RAPGEF5: variants seen among roughly 807,000 people sequenced by gnomAD.
RAPGEF5 encodes the protein M-Ras-regulated GEF.
RAPGEF5 carries 65 observed loss-of-function variants against 125.2 expected under a neutral mutation model. That is an observed-to-expected ratio of 0.52 (90% CI 0.43 to 0.64). The LOEUF is 0.64. RAPGEF5 is among the 30% of genes least tolerant of loss of function. The pLI is 0.00. For missense variants in RAPGEF5, 958 were observed against 1,048.1 expected, an observed-to-expected ratio of 0.91 and a Z score of 1.19; for synonymous variants, 391 against 385.9, an observed-to-expected ratio of 1.01 and a Z score of -0.16.
chr7:22,166,984 T>C (rs956137344), intron 12 of RAPGEF5, 86 bp downstream of exon 12: 2 of 1,085,014 alleles, frequency 1.8e-6, no homozygotes, highest in African/African-American at 3.1e-5. Context: ...TGGGGTTGAA[T>C]AAATTAAGGA....
rs972665838 is a variant in RAPGEF5 at position 22,356,786 on chromosome 7, G to A, written c.231+44C>T. The A allele has an allele frequency of 4.4e-4, 476 of 1,083,256 alleles. 2 individuals are homozygous for A. In the African/African-American group the frequency reaches 7.5e-3, roughly 17 times the overall value. 67.1% of individuals were successfully genotyped at this position (1,083,256 alleles called of 1,614,324 possible). A position where few individuals can be genotyped will look rare whatever the true frequency, so the allele number is the denominator to read the frequency against. On this transcript the variant is annotated intron_variant, in intron 1 of 25. Transcript: ENST00000665637. The stretch of plus-strand genomic sequence containing the variant: ...CCCGGGGGGTGGGCGCGGGCTCCAC[G>A]TGCGCGCCGCCCGTGCCCACTCGGA...
At chr7:22,162,954 G>A in intron 12 of RAPGEF5, 1 of 457,862 alleles carries the variant, frequency 2.2e-6, no homozygotes, top group Non-Finnish European at 4.4e-6. Flanking sequence ...CTAGTCCTCA[G>A]AAATTCACAT....
intron 9 of RAPGEF5, among the ~76,000 whole-genome samples, chr7:22,217,176 T>A (rs1785657876): frequency 6.6e-6 from 1 of 152,230 alleles, no homozygotes; most frequent in South Asian, 2.1e-4. Context: ...GTGGATGAAG[T>A]CGATGAAGCA....
At chr7:22,259,551 A>C (rs1250199527) in intron 7 of RAPGEF5, among the ~76,000 whole-genome samples, 1 of 152,260 alleles carries the variant, frequency 6.6e-6, no homozygotes, top group Non-Finnish European at 1.5e-5. Context: ...AAAAATCTGC[A>C]TATCCAAAGC....
intron 12 of RAPGEF5, among the ~76,000 whole-genome samples, chr7:22,166,669 T>C (rs541258246): frequency 1.1e-4 from 16 of 152,340 alleles, no homozygotes; most frequent in African/African-American, 3.8e-4. Flanking sequence ...ATCACATATG[T>C]GCATTTTCCT....
At chr7:22,139,576 C>T (rs1380135261) in intron 21 of RAPGEF5, among the ~76,000 whole-genome samples, 6 of 152,248 alleles carry the variant, frequency 3.9e-5, no homozygotes, top group East Asian at 1.9e-4. Flanking sequence ...AACTTTAGAA[C>T]GTTTTGTGGA....
At chr7:22,163,364 C>T (rs959463000) in intron 12 of RAPGEF5, among the ~76,000 whole-genome samples, 2 of 152,038 alleles carry the variant, frequency 1.3e-5, no homozygotes, top group South Asian at 4.1e-4. Context: ...AATGATGGCC[C>T]AGCAGTACAT....
chr7:22,257,965 G>GA (rs1223082397), intron 7 of RAPGEF5, among the ~76,000 whole-genome samples: 1 of 151,994 alleles, frequency 6.6e-6, no homozygotes, highest in Non-Finnish European at 1.5e-5. Flanking sequence ...TATAATATGG[G>GA]AAAAAAGGAA....
intron 9 of RAPGEF5, among the ~76,000 whole-genome samples, chr7:22,213,708 G>A (rs1158283247): frequency 6.6e-6 from 1 of 152,120 alleles, no homozygotes; most frequent in Non-Finnish European, 1.5e-5. Flanking sequence ...TTATAATTGG[G>A]CAACTTAATG....
At chr7:22,329,390 T>C (rs1011412522) in intron 1 of RAPGEF5, among the ~76,000 whole-genome samples, 6 of 152,116 alleles carry the variant, frequency 3.9e-5, no homozygotes, top group African/African-American at 1.4e-4. Context: ...CAACAAAATA[T>C]ATATGAATTA....
intron 1 of RAPGEF5, among the ~76,000 whole-genome samples, chr7:22,355,597 C>A (rs760037408): frequency 6.6e-6 from 1 of 152,168 alleles, no homozygotes; most frequent in African/African-American, 2.4e-5. Flanking sequence ...CTCTGGGTCA[C>A]CGACTTTAAG....
intron 11 of RAPGEF5, among the ~76,000 whole-genome samples, chr7:22,181,628 GGTT>G (rs941102299): frequency 6.6e-6 from 1 of 152,094 alleles, no homozygotes; most frequent in Non-Finnish European, 1.5e-5. Context: ...CTGGGATTTT[GGTT>G]GTTGTTGTTT....
At chr7:22,175,304 G>A (rs908425865) in intron 11 of RAPGEF5, among the ~76,000 whole-genome samples, 3 of 152,040 alleles carry the variant, frequency 2.0e-5, no homozygotes, top group African/African-American at 7.2e-5. Flanking sequence ...GTGAATGGTG[G>A]GGGCATACTC....
rs753990741 is a variant in RAPGEF5 at position 22,128,808 on chromosome 7, T to A, written c.2481+2229A>T. Among the ~76,000 whole-genome samples, 5 of 152,344 alleles carry A rather than the reference T, an allele frequency of 3.3e-5. 1 individual carries two copies. Among genetic ancestry groups the A allele is most frequent in the South Asian group, 4.1e-4 (2 of 4,828 alleles). On this transcript the variant is annotated intron_variant, in intron 24 of 25. Transcript: ENST00000665637. Reference sequence around the variant, plus strand: ...CTGCCTGACGGGCTTGCGTGTGCGCTATGTGAGTGCTGTGTGCATGCTGAA... The same window carrying A: ...CTGCCTGACGGGCTTGCGTGTGCGCAATGTGAGTGCTGTGTGCATGCTGAA...
At chr7:22,130,867 C>A in intron 24 of RAPGEF5, 170 bp downstream of exon 24, 1 of 841,438 alleles carries the variant, frequency 1.2e-6, no homozygotes, top group Non-Finnish European at 1.8e-6. Flanking sequence ...ATTTTGTTGG[C>A]AGCGTACAAC....
intron 7 of RAPGEF5, among the ~76,000 whole-genome samples, chr7:22,244,706 C>T (rs909841897): frequency 2.0e-5 from 3 of 152,250 alleles, no homozygotes; most frequent in African/African-American, 7.2e-5. Flanking sequence ...AACCATCCCC[C>T]TACCCCAGTC....
intron 17 of RAPGEF5, among the ~76,000 whole-genome samples, chr7:22,151,227 A>G (rs1480934394): frequency 6.6e-6 from 1 of 152,134 alleles, no homozygotes; most frequent in Non-Finnish European, 1.5e-5. Context: ...GCCACAATAT[A>G]TATTGCTGAA....
At chr7:22,293,633 C>A (rs1323319761) in intron 5 of RAPGEF5, among the ~76,000 whole-genome samples, 1 of 152,174 alleles carries the variant, frequency 6.6e-6, no homozygotes, top group Non-Finnish European at 1.5e-5. Context: ...ATTTTCCTCA[C>A]TTGCCCACTG....
At chr7:22,253,062 G>A (rs1480301097) in intron 7 of RAPGEF5, among the ~76,000 whole-genome samples, 1 of 152,094 alleles carries the variant, frequency 6.6e-6, no homozygotes, top group Non-Finnish European at 1.5e-5. Flanking sequence ...TCAGCAAGCA[G>A]GGACAGAAGA....
Sources: allele counts gnomAD v4.1 joint callset (sites outside exome capture counted in the v4.1 genomes callset), GRCh38; gene constraint gnomAD v4.1.1; transcripts MANE v1.5; gene names NCBI Gene and HGNC (gene_info 2026-07-23, HGNC 2026-07-21).